The following GRIP1 variants were observed in gnomAD, a reference collection of about 807,000 sequenced individuals.
The protein encoded by GRIP1 is glutamate receptor-interacting protein 1.
GRIP1 carries 45 observed loss-of-function variants against 129.9 expected under a neutral mutation model. The observed-to-expected ratio is 0.35, with a 90% confidence interval of 0.27 to 0.44. The LOEUF (loss-of-function observed/expected upper bound fraction) is 0.44. GRIP1 is among the 20% of genes least tolerant of loss of function. The probability of loss-of-function intolerance (pLI) is 1.00; values close to 1 mark genes in which losing one functional copy is unlikely to be tolerated. For synonymous variants in GRIP1, 530 were observed against 520.8 expected (o/e 1.02, Z -0.24); for missense variants, 1,196 against 1,396.8 (o/e 0.86, Z 2.29).
chr12:66,422,669 T>C (rs905591591), intron 14 of GRIP1, among the ~76,000 whole-genome samples: 3 of 152,192 alleles, frequency 2.0e-5, no homozygotes, highest in Non-Finnish European at 4.4e-5. Context: ...ATCTCTGTCA[T>C]CCTTGAAAGA....
At chr12:66,620,666 CTTTTTCTTTT>C (rs1431674866) in intron 1 of GRIP1, among the ~76,000 whole-genome samples, 3 of 151,852 alleles carry the variant, frequency 2.0e-5, no homozygotes, top group Non-Finnish European at 4.4e-5. Context: ...CTTTCTCTTT[CTTTTTCTTTT>C]TTTTCTTTTT....
rs147413977 is a variant in GRIP1 at position 67,000,023 on chromosome 12, T to C, written c.58+69027A>G. Among the ~76,000 whole-genome samples, 103 of 152,304 alleles carry C rather than the reference T, an allele frequency of 6.8e-4. 1 individual carries two copies. Among genetic ancestry groups the C allele is most frequent in the Middle Eastern group, 6.8e-3 (2 of 294 alleles). ...ATTTCTCTTTCTTGATTTCAAAATCTTTGCTACAGCTCACAGAGTGACAGA... is the reference window on the plus strand; with the variant it reads ...ATTTCTCTTTCTTGATTTCAAAATCCTTGCTACAGCTCACAGAGTGACAGA... On this transcript the variant is annotated intron_variant, in intron 1 of 1. Transcript: ENST00000643019.
rs188461318 is a variant in GRIP1, at chr12:66,809,199, T to C, written c.59-212272A>G. ...CATTTACATGATTTCCGTACTCTTC[T>C]GAACTGGATTCTTCATCCCCTTTTA... On this transcript the variant is annotated intron_variant, in intron 1 of 1. Coordinates refer to the GRIP1 transcript ENST00000643019. Among the ~76,000 whole-genome samples the C allele has an allele frequency of 3.9e-5, 6 of 152,362 alleles. No homozygotes were observed. In the East Asian group the frequency reaches 1.2e-3, roughly 29 times the overall value.
intron 7 of GRIP1, among the ~76,000 whole-genome samples, chr12:66,499,086 G>A (rs1463196468): frequency 6.6e-6 from 1 of 152,206 alleles, no homozygotes; most frequent in African/African-American, 2.4e-5. Flanking sequence ...TCAACATTAA[G>A]TGTATGGTGA....
At chr12:66,901,109 G>A (rs1359546881) in intron 1 of GRIP1, among the ~76,000 whole-genome samples, 2 of 152,118 alleles carry the variant, frequency 1.3e-5, no homozygotes, top group Non-Finnish European at 2.9e-5. Context: ...TAAAATGAAA[G>A]GAAATCTTGA....
chr12:66,403,664 T>A (rs2137634655), intron 16 of GRIP1, among the ~76,000 whole-genome samples: 1 of 152,310 alleles, frequency 6.6e-6, no homozygotes, highest in South Asian at 2.1e-4. Flanking sequence ...GGTTGTATGT[T>A]TTTCAATGGA....
At chr12:67,065,947 G>C (rs1249517685) in intron 1 of GRIP1, among the ~76,000 whole-genome samples, 1 of 152,234 alleles carries the variant, frequency 6.6e-6, no homozygotes, top group East Asian at 1.9e-4. Flanking sequence ...ACCCCAAAGT[G>C]TATTAAGTGG....
chr12:66,587,264 G>A (rs10878456), intron 2 of GRIP1, among the ~76,000 whole-genome samples: 37,418 of 152,106 alleles, frequency 0.25, 4,740 homozygotes, highest in Admixed American at 0.28. Flanking sequence ...AGATCATTAC[G>A]TGGTTCACCA....
At chr12:66,372,968 A>G (rs1329551323) in intron 22 of GRIP1, among the ~76,000 whole-genome samples, 2 of 152,220 alleles carry the variant, frequency 1.3e-5, no homozygotes. Context: ...GTTTATATTA[A>G]TACTGATGCT....
chr12:66,486,470 C>A (rs2059958316), intron 7 of GRIP1, among the ~76,000 whole-genome samples: 1 of 152,104 alleles, frequency 6.6e-6, no homozygotes, highest in Non-Finnish European at 1.5e-5. Context: ...TGGGAGGAAC[C>A]TGGTGGGAGA....
At chr12:66,673,679 T>C (rs1010619494) in intron 1 of GRIP1, among the ~76,000 whole-genome samples, 1 of 152,176 alleles carries the variant, frequency 6.6e-6, no homozygotes, top group Non-Finnish European at 1.5e-5. Flanking sequence ...CACTGTTCAA[T>C]GTAAACTCCC....
At chr12:66,544,348 C>T (rs1036712972) in intron 2 of GRIP1, among the ~76,000 whole-genome samples, 1 of 152,050 alleles carries the variant, frequency 6.6e-6, no homozygotes, top group Non-Finnish European at 1.5e-5. Flanking sequence ...GACAATAAAA[C>T]TCAAAGATGG....
At chr12:66,800,935 A>G (rs1382629017) in intron 1 of GRIP1, among the ~76,000 whole-genome samples, 1 of 152,108 alleles carries the variant, frequency 6.6e-6, no homozygotes, top group Non-Finnish European at 1.5e-5. Context: ...ATTCTCCAAC[A>G]CTACTTAATA....
intron 1 of GRIP1, among the ~76,000 whole-genome samples, chr12:66,953,141 G>A (rs1350139957): frequency 2.6e-5 from 4 of 152,106 alleles, no homozygotes; most frequent in African/African-American, 9.7e-5. Context: ...TTTAAAACAA[G>A]AACAAAATAG....
intron 1 of GRIP1, among the ~76,000 whole-genome samples, chr12:66,768,824 C>A (rs961005631): frequency 6.6e-6 from 1 of 152,166 alleles, no homozygotes; most frequent in Non-Finnish European, 1.5e-5. Context: ...GAGGACACTG[C>A]TGCACATTAG....
intron 1 of GRIP1, among the ~76,000 whole-genome samples, chr12:66,764,084 T>C (rs1475673111): frequency 6.6e-6 from 1 of 152,192 alleles, no homozygotes; most frequent in Non-Finnish European, 1.5e-5. Context: ...ATGTGGACCA[T>C]GCAGAGGGGC....
chr12:66,922,586 CTTGAG>C (rs1016195082), intron 1 of GRIP1, among the ~76,000 whole-genome samples: 2 of 152,202 alleles, frequency 1.3e-5, no homozygotes, highest in African/African-American at 4.8e-5. Context: ...CAGCAATGTG[CTTGAG>C]TTAAGAAAAT....
rs184896695 is a variant in GRIP1, at chr12:66,759,853, T to C, written c.-420+44200A>G. Among the ~76,000 whole-genome samples the C allele has an allele frequency of 7.8e-4, 97 of 124,926 alleles. 1 individual carries two copies. The highest frequency in any genetic ancestry group is 2.4e-3 in the African/African-American group (87 of 35,776). The allele number at this position is 124,926 out of a possible 152,430, so 82.0% of individuals were successfully genotyped here. A position where few individuals can be genotyped will look rare whatever the true frequency, so the allele number is the denominator to read the frequency against. ...TTGGACCTTATTGTTCATAATACTA[T>C]CAACATTTTTTTTTTTTTTGAGATG... On this transcript the variant is annotated intron_variant, in intron 1 of 4. Transcript: ENST00000538373.
chr12:66,553,417 T>C (rs1268680671), intron 2 of GRIP1, among the ~76,000 whole-genome samples: 1 of 152,072 alleles, frequency 6.6e-6, no homozygotes, highest in Non-Finnish European at 1.5e-5. Context: ...GGCACTTTGC[T>C]ATCTAGCAGT....
Sources: allele counts gnomAD v4.1 joint callset (sites outside exome capture counted in the v4.1 genomes callset), GRCh38; gene constraint gnomAD v4.1.1; transcripts MANE v1.5; gene names NCBI Gene and HGNC (gene_info 2026-07-23, HGNC 2026-07-21).